USP25: variants seen among roughly 807,000 people sequenced by gnomAD.
USP25 encodes ubiquitin specific peptidase 25.
USP25 carries 85 observed loss-of-function variants against 158.5 expected under a neutral mutation model. The ratio of observed to expected loss-of-function variants is 0.54; its 90% CI spans 0.45 to 0.64. The LOEUF (loss-of-function observed/expected upper bound fraction) is 0.64, where lower values mean the gene tolerates loss of function less well. Ranked by LOEUF, USP25 falls within the 30% of genes least tolerant of loss-of-function variation. The probability of loss-of-function intolerance (pLI) is 0.00; values close to 1 mark genes in which losing one functional copy is unlikely to be tolerated. For missense variants in USP25, 1,242 were observed against 1,327.3 expected (o/e 0.94, Z 1.00); for synonymous variants, 464 against 460.4 (o/e 1.01, Z -0.10).
In USP25 at chr21:15,766,181, T is replaced by TA; in HGVS notation, c.268+41dup. ...TTTTCTTATTATTTTAATAGAAACA[T>TA]ACTGAAAAACTTTTCTTGGTGTAAT... On this transcript the variant is annotated intron_variant, in intron 3 of 25. Transcript: ENST00000400183. The surrounding 1 kb of genome is among the most constrained non-coding windows in gnomAD (Gnocchi z 4.0). 6.5e-7 allele frequency: 1 copy of TA among 1,549,932 alleles called. No individual in the cohort carries two copies. The highest frequency in any genetic ancestry group is 8.6e-7 in the Non-Finnish European group (1 of 1,157,740).
In USP25 at chr21:15,770,330, G is replaced by T. The variant is rs182751393; in HGVS notation, c.268+4189G>T. Among the ~76,000 whole-genome samples the T allele has an allele frequency of 3.6e-3, 541 of 152,178 alleles. 2 individuals are homozygous for T. The highest frequency in any genetic ancestry group is 0.024 in the Middle Eastern group (7 of 294). ...GTGTGAAAATTAGTTCCAACTGATGGGTGCAATTAGGAGCTTCAGATTGAT... is the reference window on the plus strand; with the variant it reads ...GTGTGAAAATTAGTTCCAACTGATGTGTGCAATTAGGAGCTTCAGATTGAT... On this transcript the variant is annotated intron_variant, in intron 3 of 25. Transcript: ENST00000400183.
At chr21:15,858,068 T>C (rs2039243622) in intron 20 of USP25, among the ~76,000 whole-genome samples, 1 of 152,090 alleles carries the variant, frequency 6.6e-6, no homozygotes. Flanking sequence ...TTTTGGACAA[T>C]ACACTGAATA....
In USP25 at chr21:15,808,875, G is replaced by A. The variant is rs754268155; in HGVS notation, c.847G>A (p.Glu283Lys). The change falls in exon 8 of 26, where the codon GAA (glutamate) becomes AAA (lysine). Residue 283 changes from glutamate to lysine, a missense_variant. Physicochemically the swap from Glu to Lys is moderately conservative, Grantham distance 56. Coordinates refer to ENST00000400183, the MANE Select transcript of USP25 (RefSeq NM_001283041.3). ...WLEDAFQMKA[E>K]EETDEEKPKN... Reference sequence around the variant, plus strand: ...AGAAGATGCCTTCCAAATGAAAGCTGAAGAGGAGACGTAAGTTACCGTGAA... The same window carrying A: ...AGAAGATGCCTTCCAAATGAAAGCTAAAGAGGAGACGTAAGTTACCGTGAA... 6.2e-7 allele frequency: 1 copy of A among 1,610,660 alleles called. No homozygotes were observed. The highest frequency in any genetic ancestry group is 1.1e-5 in the South Asian group (1 of 90,366).
At chr21:15,855,042 CA>C (rs2039069385) in intron 20 of USP25, among the ~76,000 whole-genome samples, 2 of 152,024 alleles carry the variant, frequency 1.3e-5, no homozygotes, top group African/African-American at 2.4e-5. Context: ...AAGATAAAAA[CA>C]AAATATTTTC....
intron 9 of USP25, among the ~76,000 whole-genome samples, chr21:15,812,540 A>T (rs1294316203): frequency 6.6e-6 from 1 of 151,814 alleles, no homozygotes; most frequent in Non-Finnish European, 1.5e-5. Context: ...AGTCCCAGCT[A>T]CTCAGGAGGC....
intron 6 of USP25, among the ~76,000 whole-genome samples, chr21:15,804,702 T>C (rs887369076): frequency 1.3e-5 from 2 of 152,054 alleles, no homozygotes; most frequent in Non-Finnish European, 2.9e-5. Context: ...ATGGGTTTAT[T>C]GAGATCAAGC....
At chr21:15,761,165 T>C (rs148850087) in intron 1 of USP25, among the ~76,000 whole-genome samples, 1 of 152,326 alleles carries the variant, frequency 6.6e-6, no homozygotes, top group East Asian at 1.9e-4. Flanking sequence ...CAGGGCTATC[T>C]CACAGATTAT....
intron 3 of USP25, among the ~76,000 whole-genome samples, chr21:15,777,366 T>TTAA (rs1210353750): frequency 6.6e-6 from 1 of 152,082 alleles, no homozygotes; most frequent in East Asian, 1.9e-4. Context: ...AGTTAACCAC[T>TTAA]GTTAATAGTT....
chr21:15,761,956 G>A (rs993254740), intron 1 of USP25, among the ~76,000 whole-genome samples: 17 of 152,036 alleles, frequency 1.1e-4, no homozygotes, highest in African/African-American at 3.4e-4. Flanking sequence ...AGACCTGTAC[G>A]GGTTCGCCAC....
At chr21:15,846,156 A>ATTTTT (rs1194653073) in intron 18 of USP25, among the ~76,000 whole-genome samples, 3 of 18,540 alleles carry the variant, frequency 1.6e-4, no homozygotes, top group African/African-American at 5.4e-4. Flanking sequence ...ATATATATAT[A>ATTTTT]TATTTTTTTT....
At chr21:15,846,035 T>G (rs2146460969) in intron 18 of USP25, among the ~76,000 whole-genome samples, 1 of 149,796 alleles carries the variant, frequency 6.7e-6, no homozygotes, top group East Asian at 2.0e-4. Flanking sequence ...TGATACCTGT[T>G]CATGCTGATC....
intron 17 of USP25, among the ~76,000 whole-genome samples, chr21:15,841,470 C>G (rs1026656760): frequency 2.0e-5 from 3 of 152,080 alleles, no homozygotes; most frequent in African/African-American, 7.2e-5. Context: ...TTTCTCCACT[C>G]TCATACTGTA....
intron 19 of USP25, 84 bp downstream of exon 19, chr21:15,847,860 C>A: frequency 1.3e-6 from 1 of 798,414 alleles, no homozygotes; most frequent in South Asian, 2.0e-5. Flanking sequence ...CACCCTCATA[C>A]TTAATGTCTA....
chr21:15,755,708 G>A (rs2033328908), intron 1 of USP25, among the ~76,000 whole-genome samples: 1 of 152,252 alleles, frequency 6.6e-6, no homozygotes, highest in Middle Eastern at 3.4e-3. Context: ...CTGAAAGTTC[G>A]ATTAATTGAG....
intron 22 of USP25, among the ~76,000 whole-genome samples, chr21:15,868,851 T>TG (rs2039766590): frequency 6.6e-6 from 1 of 152,324 alleles, no homozygotes; most frequent in Middle Eastern, 3.4e-3. Flanking sequence ...AATGACAGTT[T>TG]GAATACCTTC....
intron 1 of USP25, among the ~76,000 whole-genome samples, chr21:15,756,663 A>T (rs531405944): frequency 6.6e-6 from 1 of 152,182 alleles, no homozygotes; most frequent in Non-Finnish European, 1.5e-5. Flanking sequence ...TCTGAAGTGC[A>T]TAGTACTGTA....
chr21:15,794,586 T>C (rs187882001), intron 5 of USP25, among the ~76,000 whole-genome samples: 1 of 151,712 alleles, frequency 6.6e-6, no homozygotes, highest in Non-Finnish European at 1.5e-5. Context: ...CCTTAGCACC[T>C]TTCCATTTGG....
At chr21:15,749,273 A>G (rs1346642926) in intron 1 of USP25, among the ~76,000 whole-genome samples, 5 of 152,240 alleles carry the variant, frequency 3.3e-5, no homozygotes, top group Non-Finnish European at 7.3e-5. Flanking sequence ...GCTTTTGTAG[A>G]CATTGTGAAA....
At chr21:15,763,197 A>C (rs1161336191) in intron 2 of USP25, among the ~76,000 whole-genome samples, 1 of 152,104 alleles carries the variant, frequency 6.6e-6, no homozygotes, top group Non-Finnish European at 1.5e-5. Context: ...ACCTCTTTCT[A>C]TATATGAAAT....
Sources: allele counts gnomAD v4.1 joint callset (sites outside exome capture counted in the v4.1 genomes callset), GRCh38; gene constraint gnomAD v4.1.1; non-coding constraint Gnocchi (gnomAD v3.1); transcripts MANE v1.5; gene names NCBI Gene and HGNC (gene_info 2026-07-23, HGNC 2026-07-21).